The following FMO5 variants were observed in gnomAD, a reference collection of about 807,000 sequenced individuals.
FMO5 encodes the protein flavin-containing monooxygenase 5.
Under a neutral mutation model 43.6 loss-of-function variants are expected in FMO5, and 51 were observed. The ratio of observed to expected loss-of-function variants is 1.17; its 90% CI spans 0.93 to 1.48. The LOEUF is 1.48. FMO5 is among the 40% of genes most tolerant of loss of function. The pLI is 0.00. For missense variants in FMO5, 644 were observed against 643.0 expected (o/e 1.00, Z -0.02); for synonymous variants, 187 against 216.5 (o/e 0.86, Z 1.20).
intron 7 of FMO5, among the ~76,000 whole-genome samples, chr1:147,193,346 G>T (rs1342283388): frequency 6.6e-6 from 1 of 151,906 alleles, no homozygotes; most frequent in Admixed American, 6.6e-5. Context: ...CTGTGGGATC[G>T]GTGGTGATAT....
At chr1:147,185,063 G>C (rs962634590), downstream of FMO5, among the ~76,000 whole-genome samples, 1 of 152,036 alleles carries the variant, frequency 6.6e-6, no homozygotes, top group Non-Finnish European at 1.5e-5. Flanking sequence ...GTAAATTGAT[G>C]AATATTATTA....
At chr1:147,210,372 C>G (rs1451430963) in intron 5 of FMO5, 1 of 152,236 alleles carries the variant, frequency 6.6e-6, no homozygotes, top group African/African-American at 2.4e-5. Flanking sequence ...AAAAGAATCA[C>G]TTTTCCTACA....
chr1:147,221,364 G>A (rs782554531), intron 2 of FMO5, among the ~76,000 whole-genome samples: 2 of 152,168 alleles, frequency 1.3e-5, no homozygotes, highest in Non-Finnish European at 2.9e-5. Flanking sequence ...AACTGGACAT[G>A]AGGTGTACTG....
intron 6 of FMO5, chr1:147,208,424 G>GCTTT (rs1660466081): frequency 1.4e-5 from 1 of 72,458 alleles, no homozygotes; most frequent in Admixed American, 1.8e-4. Context: ...GAGTCTATAG[G>GCTTT]CTTTCTTTTC....
chr1:147,214,854 A>G lies in FMO5; in HGVS notation c.324+900T>C, dbSNP rs587627615. The G allele has an allele frequency of 2.0e-5, 3 of 152,238 alleles. No homozygotes were observed. In the South Asian group the frequency reaches 6.2e-4, roughly 32 times the overall value. The allele number at this position is 152,238 out of a possible 1,614,324, so 9.4% of individuals were successfully genotyped here. On this transcript the variant is annotated intron_variant, in intron 3 of 8. Transcript: ENST00000254090. ...TTTCTTTTTTGTCTTTGCATATTCAATGCTTAGTATGGTAGCAAACTTGTT... is the reference window on the plus strand; with the variant it reads ...TTTCTTTTTTGTCTTTGCATATTCAGTGCTTAGTATGGTAGCAAACTTGTT...
Position 147,201,330 on chromosome 1 carries a change from G to A in FMO5, c.1005C>T (p.Asp335=). 1 of 1,614,194 alleles carries A rather than the reference G, an allele frequency of 6.2e-7. No homozygotes were observed. Among genetic ancestry groups the A allele is most frequent in the South Asian group, 1.1e-5 (1 of 91,088 alleles). Residue 335 remains aspartate, a synonymous_variant, in exon 7 of 9, where the codon GAC becomes GAT. Coordinates refer to ENST00000254090, the MANE Select transcript of FMO5 (RefSeq NM_001461.4). ...AVIFATGYSF[D]FPFLEDSVKV... is the part of the protein sequence containing the mutation. ...TGACGGAATCTTCCAGAAATGGAAA[G>A]TCAAAGCTATAGCCTGTGGCAAAGA...
chr1:147,194,072 C>A (rs1311639598), intron 7 of FMO5, among the ~76,000 whole-genome samples: 13 of 152,226 alleles, frequency 8.5e-5, no homozygotes, highest in Non-Finnish European at 1.3e-4. Context: ...TGTTAACCTT[C>A]TGTCTCGTTG....
intron 7 of FMO5, among the ~76,000 whole-genome samples, chr1:147,196,719 C>T (rs1658076802): frequency 6.6e-6 from 1 of 151,898 alleles, no homozygotes; most frequent in African/African-American, 2.4e-5. Flanking sequence ...ATTAGCTTTA[C>T]CATATTTCTT....
chr1:147,208,143 G>C (rs1660414427), intron 6 of FMO5, among the ~76,000 whole-genome samples: 1 of 152,096 alleles, frequency 6.6e-6, no homozygotes, highest in African/African-American at 2.4e-5. Context: ...TCCTCAGAAA[G>C]GTGAGTGTTA....
chr1:147,217,014 G>T (rs1662107033), intron 2 of FMO5, among the ~76,000 whole-genome samples: 1 of 152,124 alleles, frequency 6.6e-6, no homozygotes, highest in African/African-American at 2.4e-5. Flanking sequence ...GCTGAGGTGG[G>T]TAGATCATCT....
chr1:147,198,865 A>AG (rs1454516747), intron 7 of FMO5, among the ~76,000 whole-genome samples: 4,634 of 148,616 alleles, frequency 0.031, 73 homozygotes, highest in African/African-American at 0.04. Flanking sequence ...AAAAAAAAAA[A>AG]AAAAAAAAAA....
chr1:147,204,914 T>G (rs955775819), intron 6 of FMO5: 2 of 1,575,130 alleles, frequency 1.3e-6, no homozygotes, highest in Non-Finnish European at 1.7e-6. Flanking sequence ...CCCGGAGCCT[T>G]GGGAACTTGA....
chr1:147,208,183 C>G (rs6681389), intron 6 of FMO5, among the ~76,000 whole-genome samples: 5,608 of 152,220 alleles, frequency 0.037, 148 homozygotes, highest in South Asian at 0.095. Context: ...TATGTCTTCT[C>G]TCTGTATTTC....
Position 147,213,456 on chromosome 1 carries a change from A to G in FMO5, c.339T>C (p.Ser113=). The G allele has an allele frequency of 6.2e-7, 1 of 1,608,484 alleles. No homozygotes were observed. Among genetic ancestry groups the G allele is most frequent in the Non-Finnish European group, 8.5e-7 (1 of 1,177,024 alleles). The change falls in exon 4 of 9, where the codon AGT becomes AGC. Residue 113 remains serine (S), a synonymous_variant. Coordinates refer to ENST00000254090, the MANE Select transcript of FMO5 (RefSeq NM_001461.4). ...KYIRFKTTVC[S]VKKQPDFATS... ...TGGCAAAATCAGGCTGCTTCTTCAC[A>G]CTGCACACAGTGGTCTGAAAAGAAA...
Position 147,187,270 on chromosome 1 carries a change from TG to T in FMO5, c.1257-26del, listed in dbSNP as rs781875460. 7.2e-6 allele frequency: 11 copies of T among 1,527,214 alleles called. 1 individual carries two copies. In the South Asian group the frequency reaches 1.4e-4, roughly 19 times the overall value. The allele number at this position is 1,527,214 out of a possible 1,614,324, so 94.6% of individuals were successfully genotyped here. Reference sequence around the variant, plus strand: ...CCTAAAGTAGAAAAGACAGAAACCATGGCCTGTCAATAATTCAATCAGTCAG... The same window carrying T: ...CCTAAAGTAGAAAAGACAGAAACCATGCCTGTCAATAATTCAATCAGTCAG... On this transcript the variant is annotated intron_variant, in intron 8 of 8. Coordinates refer to ENST00000254090, the MANE Select transcript of FMO5 (RefSeq NM_001461.4).
chr1:147,207,862 T>C (rs1660367170), intron 6 of FMO5, among the ~76,000 whole-genome samples: 1 of 152,158 alleles, frequency 6.6e-6, no homozygotes, highest in African/African-American at 2.4e-5. Flanking sequence ...CATCCCTGGG[T>C]CAGGAGGTAA....
chr1:147,206,860 C>A (rs1553922473), intron 6 of FMO5, among the ~76,000 whole-genome samples: 1 of 151,230 alleles, frequency 6.6e-6, no homozygotes, highest in Non-Finnish European at 1.5e-5. Flanking sequence ...GTGCAGCACA[C>A]CAACATGGCA....
chr1:147,194,392 T>C (rs1457739090), intron 7 of FMO5, among the ~76,000 whole-genome samples: 1 of 152,190 alleles, frequency 6.6e-6, no homozygotes, highest in African/African-American at 2.4e-5. Context: ...ATTTTGAGCC[T>C]ATGTGTGTCT....
At chr1:147,222,698 T>A (rs998858143) in intron 2 of FMO5, among the ~76,000 whole-genome samples, 6 of 152,214 alleles carry the variant, frequency 3.9e-5, no homozygotes, top group African/African-American at 9.6e-5. Flanking sequence ...CTTATTTATT[T>A]TCAAGGAAGC....
Sources: gnomAD v4.1 joint callset for allele counts (sites outside exome capture counted in the v4.1 genomes callset) on GRCh38, gnomAD v4.1.1 for gene constraint, MANE v1.5 for transcripts, NCBI Gene and HGNC (gene_info 2026-07-23, HGNC 2026-07-21) for gene names.